SYBU: variants seen among roughly 807,000 people sequenced by gnomAD.
SYBU encodes syntabulin, also known as GOLSYN A protein.
Under a neutral mutation model 35.9 loss-of-function variants are expected in SYBU, and 21 were observed. The ratio of observed to expected loss-of-function variants is 0.58; its 90% CI spans 0.41 to 0.84. SYBU has a LOEUF of 0.84. SYBU is among the 40% of genes least tolerant of loss of function. The pLI, the probability that SYBU is intolerant of heterozygous loss-of-function variation, is 0.00. For missense variants in SYBU, 768 were observed against 848.2 expected (o/e 0.91, Z 1.17); for synonymous variants, 319 against 324.3 (o/e 0.98, Z 0.18).
Position 109,626,736 on chromosome 8 carries a change from C to T in SYBU, c.230-7697G>A, listed in dbSNP as rs901397357. Among the ~76,000 whole-genome samples, 10 of 152,216 alleles carry T rather than the reference C, an allele frequency of 6.6e-5. No individual in the cohort carries two copies. The East Asian group carries it at 1.7e-3, about 26-fold the overall frequency. ...ACCAGCCTAGGAAACATGGTGAAACCTAGTCTCTACAAAAACTACAAAAAT... is the reference window on the plus strand; with the variant it reads ...ACCAGCCTAGGAAACATGGTGAAACTTAGTCTCTACAAAAACTACAAAAAT... On this transcript the variant is annotated intron_variant, in intron 2 of 6. Transcript: ENST00000276646.
At chr8:109,663,458 C>T (rs1431241734) in intron 1 of SYBU, among the ~76,000 whole-genome samples, 1 of 152,048 alleles carries the variant, frequency 6.6e-6, no homozygotes, top group African/African-American at 2.4e-5. Flanking sequence ...CATAAATATT[C>T]CAATTTTGGT....
At chr8:109,653,660 T>G (rs1057349280) in intron 1 of SYBU, among the ~76,000 whole-genome samples, 1 of 152,140 alleles carries the variant, frequency 6.6e-6, no homozygotes, top group African/African-American at 2.4e-5. Flanking sequence ...TTCTCCACAA[T>G]GTCTATTTTA....
At chr8:109,607,908 T>G in intron 3 of SYBU, 1 of 1,491,342 alleles carries the variant, frequency 6.7e-7, no homozygotes, top group Non-Finnish European at 9.0e-7. Flanking sequence ...TAATACTACT[T>G]ACTTAGAAGG....
In SYBU at chr8:109,640,453, G is replaced by A. The variant is rs139706534; in HGVS notation, c.229+2275C>T. On this transcript the variant is annotated intron_variant, in intron 2 of 6. Coordinates refer to ENST00000276646, the MANE Select transcript of SYBU (RefSeq NM_001099754.2). ...AATTGATTACAGGGAGAGAATACCA[G>A]GAATAAATGTGGAACTGAGTTATGT... Among the ~76,000 whole-genome samples the A allele has an allele frequency of 2.6e-4, 40 of 152,184 alleles. No homozygotes were observed. In the East Asian group the frequency reaches 6.6e-3, roughly 25 times the overall value.
chr8:109,616,012 T>C (rs894466457), intron 3 of SYBU, among the ~76,000 whole-genome samples: 1 of 102,518 alleles, frequency 9.8e-6, no homozygotes, highest in Non-Finnish European at 2.0e-5. Flanking sequence ...CTTTCTTTTT[T>C]TTTTTTTTTT....
chr8:109,644,838 G>A, upstream of SYBU: 2 of 581,530 alleles, frequency 3.4e-6, no homozygotes, highest in Non-Finnish European at 5.5e-6. Context: ...CCGAGGGCAC[G>A]CCCGACCCCG....
At chr8:109,625,993 T>C (rs1243831362) in intron 2 of SYBU, among the ~76,000 whole-genome samples, 1 of 152,248 alleles carries the variant, frequency 6.6e-6, no homozygotes, top group African/African-American at 2.4e-5. Context: ...TTAAAGTTAA[T>C]TAAAAACAAA....
At chr8:109,599,545 A>C (rs1469622849) in intron 3 of SYBU, among the ~76,000 whole-genome samples, 1 of 152,318 alleles carries the variant, frequency 6.6e-6, no homozygotes, top group East Asian at 1.9e-4. Context: ...CACTACAACA[A>C]ATGCTTCTTG....
At chr8:109,610,393 C>T (rs1273885566) in intron 3 of SYBU, among the ~76,000 whole-genome samples, 1 of 152,218 alleles carries the variant, frequency 6.6e-6, no homozygotes, top group African/African-American at 2.4e-5. Context: ...AGCCAGGAGT[C>T]AAACCTATGT....
intron 2 of SYBU, among the ~76,000 whole-genome samples, chr8:109,628,029 A>G (rs138228658): frequency 1.2e-4 from 19 of 152,362 alleles, no homozygotes; most frequent in Admixed American, 1.0e-3. Flanking sequence ...GTTGAAGTGT[A>G]TAAATCTCAT....
chr8:109,688,160 G>A (rs1415324191), intron 1 of SYBU, among the ~76,000 whole-genome samples: 2 of 152,108 alleles, frequency 1.3e-5, no homozygotes. Flanking sequence ...TACATATTAG[G>A]AGAAATGTAA....
chr8:109,642,655 G>A (rs1215331367), intron 2 of SYBU, 73 bp downstream of exon 2: 6 of 1,027,572 alleles, frequency 5.8e-6, no homozygotes, highest in East Asian at 5.3e-5. Context: ...AAGGGACCCA[G>A]TATGGGCCCA....
chr8:109,611,870 T>A (rs1811207376), intron 3 of SYBU, among the ~76,000 whole-genome samples: 1 of 152,330 alleles, frequency 6.6e-6, no homozygotes, highest in East Asian at 1.9e-4. Context: ...GCTCACTGAT[T>A]TTGTTACTGG....
upstream of SYBU, chr8:109,645,633 G>GTTTTTT: frequency 4.4e-6 from 1 of 228,142 alleles, no homozygotes; most frequent in Non-Finnish European, 8.5e-6. Context: ...TTCGTTTTTT[G>GTTTTTT]TTTTTTTTTT....
chr8:109,687,546 A>G (rs76910752), intron 1 of SYBU, among the ~76,000 whole-genome samples: 7,399 of 152,268 alleles, frequency 0.049, 585 homozygotes, highest in African/African-American at 0.17. Context: ...AAGCCTGTAA[A>G]ACACTGATTG....
chr8:109,688,727 A>G (rs954761773), intron 1 of SYBU, among the ~76,000 whole-genome samples: 2 of 151,738 alleles, frequency 1.3e-5, no homozygotes, highest in African/African-American at 4.8e-5. Flanking sequence ...ACATCCTGCT[A>G]AGAAGAAGGA....
At chr8:109,644,952 G>T, upstream of SYBU, 1 of 527,596 alleles carries the variant, frequency 1.9e-6, no homozygotes, top group South Asian at 2.0e-5. Flanking sequence ...CCGCGCCTGG[G>T]CGCGCCCCAC....
chr8:109,657,844 T>C (rs1384863456), intron 1 of SYBU, among the ~76,000 whole-genome samples: 1 of 152,198 alleles, frequency 6.6e-6, no homozygotes, highest in African/African-American at 2.4e-5. Flanking sequence ...CTAAGGGTAC[T>C]CATTTGTTGG....
At chr8:109,647,734 A>T (rs1188022042), upstream of SYBU, 2 of 152,264 alleles carry the variant, frequency 1.3e-5, no homozygotes, top group African/African-American at 4.8e-5. Flanking sequence ...TTTGTATCTG[A>T]TGATTGGGTG....
Sources: gnomAD v4.1 joint callset for allele counts (sites outside exome capture counted in the v4.1 genomes callset) on GRCh38, gnomAD v4.1.1 for gene constraint, MANE v1.5 for transcripts, NCBI Gene and HGNC (gene_info 2026-07-23, HGNC 2026-07-21) for gene names.